The following WDR70 variants were observed in gnomAD, a reference collection of about 807,000 sequenced individuals.
The protein encoded by WDR70 is WD repeat domain 70.
In WDR70, 53 loss-of-function variants were observed where a neutral mutation model predicts 88.6. The ratio of observed to expected loss-of-function variants is 0.60; its 90% CI spans 0.48 to 0.75. The LOEUF (loss-of-function observed/expected upper bound fraction) is 0.75, where lower values mean the gene tolerates loss of function less well. WDR70 is among the 30% of genes least tolerant of loss of function. The probability of loss-of-function intolerance (pLI) is 0.00; values close to 1 mark genes in which losing one functional copy is unlikely to be tolerated. For synonymous variants in WDR70, 280 were observed against 270.0 expected (o/e 1.04, Z -0.36); for missense variants, 610 against 823.2 (o/e 0.74, Z 3.17).
intron 17 of WDR70, among the ~76,000 whole-genome samples, chr5:37,729,548 A>G (rs1748083559): frequency 1.3e-5 from 2 of 152,148 alleles, no homozygotes; most frequent in South Asian, 4.1e-4. Flanking sequence ...CAGGTCTGGC[A>G]TATACATTAA....
intron 5 of WDR70, among the ~76,000 whole-genome samples, chr5:37,418,124 A>G (rs1006958398): frequency 3.9e-5 from 6 of 152,214 alleles, no homozygotes; most frequent in Admixed American, 3.3e-4. Context: ...AAGTTTCTAT[A>G]AAATAATACT....
Position 37,486,875 on chromosome 5 carries a change from C to G in WDR70, c.840+6888C>G, listed in dbSNP as rs183844067. ...TCAGTGTTGGACATTAGATCTTTGT[C>G]ACATGCATTGTTGCAAAAATTTCTC... On this transcript the variant is annotated intron_variant, in intron 8 of 17. Transcript: ENST00000265107. Among the ~76,000 whole-genome samples, 1,075 of 151,370 alleles carry G rather than the reference C, an allele frequency of 7.1e-3. 14 individuals are homozygous for G. The highest frequency in any genetic ancestry group is 0.025 in the African/African-American group (1,016 of 41,092).
At chr5:37,401,098 A>G (rs1372388509) in intron 5 of WDR70, among the ~76,000 whole-genome samples, 3 of 150,606 alleles carry the variant, frequency 2.0e-5, no homozygotes, top group Non-Finnish European at 4.4e-5. Flanking sequence ...TCCTGGGCTT[A>G]AGTGATCCTC....
chr5:37,647,217 T>A (rs1010717167), intron 10 of WDR70, among the ~76,000 whole-genome samples: 1 of 152,228 alleles, frequency 6.6e-6, no homozygotes, highest in Non-Finnish European at 1.5e-5. Context: ...GTAATTATTT[T>A]AAATTATCTC....
chr5:37,462,544 C>T (rs1322805261), intron 7 of WDR70, among the ~76,000 whole-genome samples: 10 of 152,098 alleles, frequency 6.6e-5, no homozygotes, highest in African/African-American at 1.9e-4. Context: ...CCTTGTGATC[C>T]GCCCGCCTCG....
At chr5:37,438,401 G>T (rs959788639) in intron 6 of WDR70, among the ~76,000 whole-genome samples, 3 of 151,854 alleles carry the variant, frequency 2.0e-5, no homozygotes, top group Non-Finnish European at 4.4e-5. Context: ...TTACTGTATG[G>T]CTCTAAGTAT....
At chr5:37,657,652 C>T (rs1412414616) in intron 10 of WDR70, among the ~76,000 whole-genome samples, 2 of 152,062 alleles carry the variant, frequency 1.3e-5, no homozygotes, top group Non-Finnish European at 2.9e-5. Context: ...CCGATGTCAC[C>T]CTGGGCATCA....
chr5:37,448,275 C>A (rs1424232238), intron 7 of WDR70, among the ~76,000 whole-genome samples: 1 of 152,098 alleles, frequency 6.6e-6, no homozygotes, highest in East Asian at 1.9e-4. Flanking sequence ...TTAAAACTTA[C>A]TTGGTTTCTG....
chr5:37,499,115 A>T (rs10805626), intron 8 of WDR70, among the ~76,000 whole-genome samples: 5 of 150,646 alleles, frequency 3.3e-5, no homozygotes, highest in Admixed American at 6.6e-5. Context: ...CATGTTTGTC[A>T]TTCTTTTTTT....
intron 7 of WDR70, among the ~76,000 whole-genome samples, chr5:37,467,205 C>T (rs1298460083): frequency 6.5e-5 from 9 of 138,070 alleles, no homozygotes; most frequent in East Asian, 2.1e-4. Context: ...CCAGCCTGGA[C>T]GACAGAATGA....
intron 5 of WDR70, among the ~76,000 whole-genome samples, chr5:37,420,657 A>G (rs975286823): frequency 2.0e-5 from 3 of 152,022 alleles, no homozygotes; most frequent in African/African-American, 7.3e-5. Context: ...TCCCGAACTC[A>G]TGGCTTTAAA....
At chr5:37,686,562 C>T (rs1020335560) in intron 10 of WDR70, among the ~76,000 whole-genome samples, 2 of 150,990 alleles carry the variant, frequency 1.3e-5, no homozygotes, top group African/African-American at 2.4e-5. Flanking sequence ...CCACCACCCC[C>T]GGCTCTACAA....
At chr5:37,510,427 G>T (rs2112241551) in intron 8 of WDR70, among the ~76,000 whole-genome samples, 1 of 152,288 alleles carries the variant, frequency 6.6e-6, no homozygotes, top group East Asian at 1.9e-4. Context: ...ATTCTTCAGT[G>T]AGGTGTTCCT....
At chr5:37,444,364 G>A (rs1281197404) in intron 7 of WDR70, among the ~76,000 whole-genome samples, 1 of 108,860 alleles carries the variant, frequency 9.2e-6, no homozygotes, top group African/African-American at 3.1e-5. Flanking sequence ...TTTGAGACAG[G>A]GTCTGGCTCT....
intron 9 of WDR70, among the ~76,000 whole-genome samples, chr5:37,536,324 T>C (rs1250021538): frequency 6.6e-6 from 1 of 152,210 alleles, no homozygotes; most frequent in Non-Finnish European, 1.5e-5. Flanking sequence ...ATATGGCTTT[T>C]GTTTTAAAAT....
At chr5:37,595,222 A>T (rs1214128325) in intron 9 of WDR70, among the ~76,000 whole-genome samples, 2 of 152,178 alleles carry the variant, frequency 1.3e-5, no homozygotes, top group African/African-American at 4.8e-5. Context: ...AATCTACAAA[A>T]ATGCTATTAG....
intron 11 of WDR70, among the ~76,000 whole-genome samples, chr5:37,700,631 A>G (rs749148050): frequency 1.2e-4 from 19 of 152,166 alleles, no homozygotes; most frequent in Non-Finnish European, 2.1e-4. Flanking sequence ...TGTGGATTGA[A>G]CTGTTTTCAG....
At chr5:37,675,890 T>A (rs1746189447) in intron 10 of WDR70, among the ~76,000 whole-genome samples, 2 of 152,176 alleles carry the variant, frequency 1.3e-5, no homozygotes, top group African/African-American at 4.8e-5. Context: ...TCCATTTGTT[T>A]GTATCCTCGT....
intron 5 of WDR70, among the ~76,000 whole-genome samples, chr5:37,433,691 A>G (rs1750384019): frequency 6.6e-6 from 1 of 152,234 alleles, no homozygotes. Flanking sequence ...GATGTTCATC[A>G]TATTCATCTA....
Sources: gnomAD v4.1 joint callset for allele counts (sites outside exome capture counted in the v4.1 genomes callset) on GRCh38, gnomAD v4.1.1 for gene constraint, MANE v1.5 for transcripts, NCBI Gene and HGNC (gene_info 2026-07-23, HGNC 2026-07-21) for gene names.